ENTREP2: variants seen among roughly 807,000 people sequenced by gnomAD.
The protein encoded by ENTREP2 is protein ENTREP2.
the ENTREP2 span, among the ~76,000 whole-genome samples, chr15:29,395,148 A>T: frequency 5.3e-5 from 8 of 151,404 alleles, no homozygotes; most frequent in African/African-American, 1.9e-4. Context: ...TCGGCCTCCC[A>T]AAGTGCTGGG....
chr15:29,213,406 A>G, the ENTREP2 span, among the ~76,000 whole-genome samples: 13 of 152,260 alleles, frequency 8.5e-5, no homozygotes, highest in South Asian at 2.1e-3. Context: ...CACGATATTG[A>G]TTCTTCTTAT....
the ENTREP2 span, among the ~76,000 whole-genome samples, chr15:29,133,284 C>A: frequency 1.3e-5 from 2 of 152,168 alleles, no homozygotes; most frequent in Non-Finnish European, 2.9e-5. Flanking sequence ...CGAGAGTGAT[C>A]TACTCCTGCT....
the ENTREP2 span, among the ~76,000 whole-genome samples, chr15:29,217,145 G>A: frequency 6.6e-6 from 1 of 152,176 alleles, no homozygotes; most frequent in African/African-American, 2.4e-5. Context: ...GGGGCTTGGG[G>A]CGTTATCAAT....
chr15:29,216,055 T>C, the ENTREP2 span, among the ~76,000 whole-genome samples: 1 of 152,232 alleles, frequency 6.6e-6, no homozygotes, highest in Non-Finnish European at 1.5e-5. Context: ...TTTTGTTTTA[T>C]AGGTCCTGTG....
the ENTREP2 span, among the ~76,000 whole-genome samples, chr15:29,402,507 C>T: frequency 6.6e-6 from 1 of 152,076 alleles, no homozygotes; most frequent in Non-Finnish European, 1.5e-5. Context: ...GAGAGGGTTT[C>T]ACTATGTTGC....
chr15:29,189,825 T>A, the ENTREP2 span, among the ~76,000 whole-genome samples: 1 of 152,234 alleles, frequency 6.6e-6, no homozygotes, highest in Non-Finnish European at 1.5e-5. Flanking sequence ...TCAATCTACC[T>A]AAACATCTTT....
At chr15:29,412,624 CTCA>C in the ENTREP2 span, among the ~76,000 whole-genome samples, 1 of 151,940 alleles carries the variant, frequency 6.6e-6, no homozygotes, top group Non-Finnish European at 1.5e-5. Context: ...TGTGTAGTCT[CTCA>C]TCAACTTTTT....
chr15:29,234,319 A>C, the ENTREP2 span: 1 of 1,607,102 alleles, frequency 6.2e-7, no homozygotes, highest in Admixed American at 1.7e-5. Flanking sequence ...TGTAATCTGA[A>C]GAGTAACTAA....
At chr15:29,523,486 C>G in the ENTREP2 span, among the ~76,000 whole-genome samples, 1 of 145,154 alleles carries the variant, frequency 6.9e-6, no homozygotes, top group African/African-American at 2.6e-5. Context: ...AGCTGGAAGA[C>G]AATATTGTTT....
chr15:29,329,427 T>C, the ENTREP2 span, among the ~76,000 whole-genome samples: 1 of 151,756 alleles, frequency 6.6e-6, no homozygotes, highest in Admixed American at 6.6e-5. Context: ...TTTTGGACCA[T>C]GATTGACCGC....
the ENTREP2 span, among the ~76,000 whole-genome samples, chr15:29,160,793 T>C: frequency 1.0e-3 from 157 of 152,164 alleles, no homozygotes; most frequent in African/African-American, 3.6e-3. Context: ...CTTACATTTA[T>C]TTCCGCTAGT....
the ENTREP2 span, among the ~76,000 whole-genome samples, chr15:29,365,936 C>T: frequency 3.3e-5 from 5 of 152,254 alleles, no homozygotes; most frequent in East Asian, 1.9e-4. Context: ...CCAGCATTCA[C>T]GCTGAAACAC....
the ENTREP2 span, among the ~76,000 whole-genome samples, chr15:29,285,629 A>G: frequency 1.3e-5 from 2 of 152,202 alleles, no homozygotes; most frequent in East Asian, 3.9e-4. Flanking sequence ...AATTCCACTG[A>G]ACATTTGAAG....
chr15:29,598,328 T>A, the ENTREP2 span, among the ~76,000 whole-genome samples: 2 of 152,210 alleles, frequency 1.3e-5, no homozygotes, highest in East Asian at 3.8e-4. Flanking sequence ...GATTTGCAAT[T>A]CTCTAGTAAC....
the ENTREP2 span, chr15:29,674,875 C>G: frequency 1.3e-5 from 2 of 152,862 alleles, no homozygotes; most frequent in East Asian, 3.9e-4. Flanking sequence ...GGCGCCCCTG[C>G]TCCGCCCAGT....
chr15:29,253,204 C>A, the ENTREP2 span, among the ~76,000 whole-genome samples: 5 of 152,106 alleles, frequency 3.3e-5, no homozygotes, highest in Admixed American at 3.3e-4. Flanking sequence ...CAAAGCAGGT[C>A]CATGTGGTAC....
the ENTREP2 span, among the ~76,000 whole-genome samples, chr15:29,206,995 T>G: frequency 1.3e-5 from 2 of 152,080 alleles, no homozygotes; most frequent in African/African-American, 2.4e-5. Flanking sequence ...AGGGCCAACA[T>G]AGACATGCTC....
the ENTREP2 span, among the ~76,000 whole-genome samples, chr15:29,570,881 G>T: frequency 6.9e-6 from 1 of 144,744 alleles, no homozygotes; most frequent in African/African-American, 2.5e-5. Flanking sequence ...AGCGGGCCGG[G>T]CCGGGCGGGG....
chr15:29,540,544 A>T, the ENTREP2 span, among the ~76,000 whole-genome samples: 9 of 152,350 alleles, frequency 5.9e-5, no homozygotes, highest in African/African-American at 1.9e-4. Flanking sequence ...TCACAACATA[A>T]ACACGCCGAG....
Sources: allele counts gnomAD v4.1 joint callset (sites outside exome capture counted in the v4.1 genomes callset), GRCh38; gene constraint gnomAD v4.1.1; transcripts MANE v1.5; gene names NCBI Gene and HGNC (gene_info 2026-07-23, HGNC 2026-07-21).